Variants in GPHN observed in about 807,000 individuals in gnomAD.
The protein encoded by GPHN is gephyrin.
A neutral mutation model predicts 95.5 loss-of-function variants in GPHN; 17 were observed. The ratio of observed to expected loss-of-function variants is 0.18; its 90% CI spans 0.12 to 0.27. The LOEUF (loss-of-function observed/expected upper bound fraction) is 0.27. Among genes scored for constraint, GPHN ranks in the 10% least tolerant of loss-of-function variants. The pLI, the probability that GPHN is intolerant of heterozygous loss-of-function variation, is 1.00. For synonymous variants in GPHN, 320 were observed against 322.5 expected (o/e 0.99, Z 0.08); for missense variants, 660 against 978.1 (o/e 0.67, Z 4.34).
the GPHN span, among the ~76,000 whole-genome samples, chr14:67,406,030 A>C: frequency 6.6e-6 from 1 of 152,270 alleles, no homozygotes; most frequent in East Asian, 1.9e-4. Flanking sequence ...GGCTGAGGGC[A>C]GGTAGATCAC....
the GPHN span, among the ~76,000 whole-genome samples, chr14:67,314,851 G>T: frequency 1.3e-5 from 2 of 152,330 alleles, no homozygotes; most frequent in East Asian, 1.9e-4. Flanking sequence ...AGCACTTTGG[G>T]AGGCTGAGGT....
chr14:66,813,687 C>T (rs535216844), intron 3 of GPHN, among the ~76,000 whole-genome samples: 1 of 152,336 alleles, frequency 6.6e-6, no homozygotes, highest in South Asian at 2.1e-4. Context: ...TGGCCAGGGA[C>T]AGCCATCCCC....
At chr14:67,304,133 A>G in the GPHN span, 2 of 153,968 alleles carry the variant, frequency 1.3e-5, no homozygotes, top group Non-Finnish European at 2.9e-5. Context: ...TTTTATAGTT[A>G]TAGGTGGGTT....
the GPHN span, chr14:67,691,907 C>G: frequency 6.5e-6 from 1 of 154,078 alleles, no homozygotes; most frequent in African/African-American, 2.4e-5. Context: ...TTTGGTGGTA[C>G]GAATTCAGAC....
chr14:67,071,598 G>A (rs6573751), intron 11 of GPHN, among the ~76,000 whole-genome samples: 39,292 of 151,706 alleles, frequency 0.26, 10,359 homozygotes, highest in African/African-American at 0.65. Context: ...AAACCTGCAC[G>A]TGGTGCACAT....
the GPHN span, chr14:67,690,136 A>G: frequency 2.2e-5 from 30 of 1,359,182 alleles, no homozygotes; most frequent in Non-Finnish European, 2.1e-6. Context: ...TGGGCTCTGG[A>G]AACAGTTTCC....
At chr14:66,974,287 C>T in intron 9 of GPHN, among the ~76,000 whole-genome samples, 1 of 152,060 alleles carries the variant, frequency 6.6e-6, no homozygotes, top group Non-Finnish European at 1.5e-5. Context: ...AACTTATTTT[C>T]AATAGTTTTC....
chr14:67,165,581 A>T (rs2082229416), intron 20 of GPHN, among the ~76,000 whole-genome samples: 1 of 152,210 alleles, frequency 6.6e-6, no homozygotes, highest in Admixed American at 6.5e-5. Context: ...TTAGCAGCCG[A>T]ATACCTCTCA....
At chr14:67,609,011 C>A in the GPHN span, among the ~76,000 whole-genome samples, 1 of 152,208 alleles carries the variant, frequency 6.6e-6, no homozygotes, top group African/African-American at 2.4e-5. Context: ...AACTTGTCAA[C>A]AACTCAGTCC....
At chr14:66,562,865 C>G (rs989614067) in intron 1 of GPHN, among the ~76,000 whole-genome samples, 1 of 151,020 alleles carries the variant, frequency 6.6e-6, no homozygotes, top group South Asian at 2.1e-4. Context: ...GATTTTGTGT[C>G]TGTGTGTGTG....
At chr14:67,555,876 G>T in the GPHN span, 1 of 1,613,508 alleles carries the variant, frequency 6.2e-7, no homozygotes, top group South Asian at 1.1e-5. Flanking sequence ...AGCAGAGAAC[G>T]CTGAGACCCA....
intron 1 of GPHN, among the ~76,000 whole-genome samples, chr14:66,543,362 A>G (rs1169643174): frequency 2.0e-5 from 3 of 152,174 alleles, no homozygotes; most frequent in South Asian, 2.1e-4. Flanking sequence ...CATTTGATTT[A>G]GTTGATCATT....
the GPHN span, among the ~76,000 whole-genome samples, chr14:67,245,967 ATTTG>A: frequency 2.0e-5 from 3 of 151,582 alleles, no homozygotes; most frequent in South Asian, 4.1e-4. Flanking sequence ...TGTTTCACTT[ATTTG>A]TTTGTCCAGT....
chr14:66,553,679 C>A (rs775005453), intron 1 of GPHN, among the ~76,000 whole-genome samples: 2 of 152,100 alleles, frequency 1.3e-5, no homozygotes, highest in Non-Finnish European at 2.9e-5. Context: ...CGGGTTCAAG[C>A]AATTCTCCTG....
chr14:66,817,419 C>T (rs1437055045), intron 3 of GPHN, among the ~76,000 whole-genome samples: 2 of 151,968 alleles, frequency 1.3e-5, no homozygotes, highest in Non-Finnish European at 2.9e-5. Flanking sequence ...AAACTTATCA[C>T]TAATGAAATA....
chr14:67,686,415 GA>G, the GPHN span, among the ~76,000 whole-genome samples: 103 of 152,250 alleles, frequency 6.8e-4, no homozygotes, highest in African/African-American at 2.4e-3. Flanking sequence ...AAGGCAGGTG[GA>G]CTGCCTGAGC....
At chr14:66,568,683 AG>A (rs1315073638) in intron 1 of GPHN, among the ~76,000 whole-genome samples, 2 of 152,158 alleles carry the variant, frequency 1.3e-5, no homozygotes, top group Non-Finnish European at 2.9e-5. Flanking sequence ...TTCTATCAAA[AG>A]CCTACTTGAA....
chr14:67,306,615 C>T, the GPHN span, among the ~76,000 whole-genome samples: 1 of 151,914 alleles, frequency 6.6e-6, no homozygotes, highest in Non-Finnish European at 1.5e-5. Flanking sequence ...ATGATCCGCC[C>T]ACCTTGGCCT....
At chr14:66,543,230 A>T (rs1347320889) in intron 1 of GPHN, among the ~76,000 whole-genome samples, 1 of 152,142 alleles carries the variant, frequency 6.6e-6, no homozygotes, top group Non-Finnish European at 1.5e-5. Context: ...TTGGATGGGG[A>T]CACAGATCCA....
Sources: allele counts gnomAD v4.1 joint callset (sites outside exome capture counted in the v4.1 genomes callset), GRCh38; gene constraint gnomAD v4.1.1; transcripts MANE v1.5; gene names NCBI Gene and HGNC (gene_info 2026-07-23, HGNC 2026-07-21).